NBAS: variants seen among roughly 807,000 people sequenced by gnomAD.
NBAS encodes NAG/BC035112 fusion.
Under a neutral mutation model 302.5 loss-of-function variants are expected in NBAS, and 219 were observed. That is an observed-to-expected ratio of 0.72 (90% CI 0.65 to 0.81). The LOEUF (loss-of-function observed/expected upper bound fraction) is 0.81, where lower values mean the gene tolerates loss of function less well. NBAS is among the 30% of genes least tolerant of loss of function. The pLI, the probability that NBAS is intolerant of heterozygous loss-of-function variation, is 0.00. For missense variants in NBAS, 2,932 were observed against 2,841.6 expected, an observed-to-expected ratio of 1.03 and a Z score of -0.72; for synonymous variants, 1,118 against 1,021.6, an observed-to-expected ratio of 1.09 and a Z score of -1.80.
chr2:15,422,778 A>C (rs1677274736), intron 23 of NBAS, among the ~76,000 whole-genome samples: 1 of 152,196 alleles, frequency 6.6e-6, no homozygotes. Flanking sequence ...AAAACTACCT[A>C]GAAATAAGTT....
the NBAS span, among the ~76,000 whole-genome samples, chr2:14,806,610 A>G: frequency 6.6e-6 from 1 of 152,168 alleles, no homozygotes; most frequent in South Asian, 2.1e-4. Flanking sequence ...AGAATTCTCT[A>G]TTTTCTATAT....
chr2:15,401,858 C>A (rs1248919278), intron 26 of NBAS, among the ~76,000 whole-genome samples: 4 of 152,084 alleles, frequency 2.6e-5, no homozygotes, highest in Admixed American at 2.6e-4. Context: ...TTACTACCTA[C>A]TGACTTATAA....
intron 49 of NBAS, among the ~76,000 whole-genome samples, chr2:15,189,611 GGGGT>G (rs1665250136): frequency 6.6e-6 from 1 of 152,114 alleles, no homozygotes; most frequent in Non-Finnish European, 1.5e-5. Flanking sequence ...CCAAAGGAAA[GGGGT>G]ATGTTCCATG....
the NBAS span, among the ~76,000 whole-genome samples, chr2:14,892,730 A>AT: frequency 6.8e-6 from 1 of 147,898 alleles, no homozygotes; most frequent in East Asian, 2.0e-4. Context: ...ATGTTTATGG[A>AT]TTTTTCTGGT....
At chr2:15,291,262 C>T (rs1185465132) in intron 41 of NBAS, among the ~76,000 whole-genome samples, 2 of 152,170 alleles carry the variant, frequency 1.3e-5, no homozygotes, top group Non-Finnish European at 2.9e-5. Flanking sequence ...ATCTATGGAA[C>T]TTAGGCAGTT....
intron 51 of NBAS, among the ~76,000 whole-genome samples, chr2:15,172,126 T>C (rs1262657518): frequency 6.6e-6 from 1 of 152,242 alleles, no homozygotes; most frequent in Non-Finnish European, 1.5e-5. Flanking sequence ...AGCATGGGAA[T>C]GCATCAGTGT....
chr2:15,554,218 T>C (rs192678947), intron 3 of NBAS, 80 bp from the exon 4 acceptor site: 638 of 1,141,696 alleles, frequency 5.6e-4, no homozygotes, highest in Non-Finnish European at 6.9e-4. Flanking sequence ...CATATACTTA[T>C]AGAGAGAGAC....
intron 48 of NBAS, among the ~76,000 whole-genome samples, chr2:15,190,702 T>C (rs1003127207): frequency 6.6e-6 from 1 of 152,180 alleles, no homozygotes; most frequent in Non-Finnish European, 1.5e-5. Flanking sequence ...AGAGACTGAA[T>C]TGCTTTATTT....
At chr2:15,067,057 T>G in the NBAS span, among the ~76,000 whole-genome samples, 1 of 150,484 alleles carries the variant, frequency 6.6e-6, no homozygotes. Context: ...GCATGCAGGT[T>G]TATGTCTGTA....
At chr2:15,412,460 C>T (rs1396093961) in intron 25 of NBAS, among the ~76,000 whole-genome samples, 2 of 152,230 alleles carry the variant, frequency 1.3e-5, no homozygotes, top group Admixed American at 6.5e-5. Flanking sequence ...AATAAATGTT[C>T]GCAGTCGTAA....
At chr2:15,556,937 A>T (rs1664674014) in intron 2 of NBAS, 118 bp from the exon 3 acceptor site, 1 of 793,334 alleles carries the variant, frequency 1.3e-6, no homozygotes. Context: ...TAAAAAAAAT[A>T]AAGAACTCAA....
At chr2:15,374,311 T>G (rs1674628775) in intron 31 of NBAS, among the ~76,000 whole-genome samples, 1 of 152,200 alleles carries the variant, frequency 6.6e-6, no homozygotes, top group South Asian at 2.1e-4. Context: ...TCATCCATAA[T>G]CCCCAATATC....
intron 47 of NBAS, 66 bp from the exon 48 acceptor site, chr2:15,219,034 C>T: frequency 1.3e-6 from 2 of 1,567,232 alleles, no homozygotes; most frequent in Non-Finnish European, 1.7e-6. Context: ...TTCCGGTAAT[C>T]AAATGTGGTC....
At chr2:15,173,019 A>G (rs915236475) in intron 51 of NBAS, among the ~76,000 whole-genome samples, 2 of 152,230 alleles carry the variant, frequency 1.3e-5, no homozygotes, top group African/African-American at 4.8e-5. Flanking sequence ...TGCAGAGTCC[A>G]GGTTCAGTAA....
At chr2:15,098,921 C>T in the NBAS span, among the ~76,000 whole-genome samples, 20 of 151,506 alleles carry the variant, frequency 1.3e-4, no homozygotes, top group African/African-American at 4.6e-4. Context: ...ATATTCATTA[C>T]TTGACTGCAG....
the NBAS span, among the ~76,000 whole-genome samples, chr2:15,054,706 C>G: frequency 1.3e-5 from 2 of 152,178 alleles, no homozygotes; most frequent in Non-Finnish European, 2.9e-5. Flanking sequence ...ACCTCCAGAT[C>G]GGGCCAACTG....
intron 44 of NBAS, among the ~76,000 whole-genome samples, chr2:15,240,815 T>C (rs1027504580): frequency 3.3e-5 from 5 of 152,172 alleles, no homozygotes; most frequent in African/African-American, 9.6e-5. Context: ...GAGCCCACCA[T>C]TGACTGACAA....
intron 21 of NBAS, among the ~76,000 whole-genome samples, chr2:15,444,968 C>A (rs933520412): frequency 6.7e-5 from 10 of 149,008 alleles, no homozygotes; most frequent in African/African-American, 2.5e-4. Context: ...CCATCTCACA[C>A]CAGTTAGAGT....
At chr2:15,076,166 T>C in the NBAS span, among the ~76,000 whole-genome samples, 2 of 152,194 alleles carry the variant, frequency 1.3e-5, no homozygotes, top group Admixed American at 1.3e-4. Context: ...GCTGCTCTCC[T>C]CCACTCCACA....
Sources: gnomAD v4.1 joint callset for allele counts (sites outside exome capture counted in the v4.1 genomes callset) on GRCh38, gnomAD v4.1.1 for gene constraint, MANE v1.5 for transcripts, NCBI Gene and HGNC (gene_info 2026-07-23, HGNC 2026-07-21) for gene names.